The following ZNF516 variants were observed in gnomAD, a reference collection of about 807,000 sequenced individuals.
ZNF516 encodes the protein zinc finger protein 516.
Under a neutral mutation model 79.7 loss-of-function variants are expected in ZNF516, and 19 were observed. The ratio of observed to expected loss-of-function variants is 0.24; its 90% CI spans 0.17 to 0.35. The LOEUF (loss-of-function observed/expected upper bound fraction) is 0.35. ZNF516 is among the 10% of genes least tolerant of loss of function. The pLI is 1.00. For synonymous variants in ZNF516, 877 were observed against 739.5 expected (o/e 1.19, Z -3.02); for missense variants, 1,678 against 1,679.5 (o/e 1.00, Z 0.02).
chr18:76,491,485 C>G (rs1166583281), intron 1 of ZNF516, among the ~76,000 whole-genome samples: 1 of 137,274 alleles, frequency 7.3e-6, no homozygotes, highest in Non-Finnish European at 1.7e-5. Context: ...GCTGTGGGTC[C>G]GTCTCTTTCA....
At chr18:76,484,509 C>A (rs184136186) in intron 1 of ZNF516, among the ~76,000 whole-genome samples, 2 of 152,178 alleles carry the variant, frequency 1.3e-5, no homozygotes, top group East Asian at 1.9e-4. Context: ...TAACCCCGCT[C>A]GGGCCAAGAA....
chr18:76,438,694 G>A (rs1028556961), intron 3 of ZNF516, among the ~76,000 whole-genome samples: 1 of 152,158 alleles, frequency 6.6e-6, no homozygotes, highest in African/African-American at 2.4e-5. Flanking sequence ...AAAAAAAAAG[G>A]AGAGGAGTTT....
chr18:76,412,062 T>C (rs1029541004), intron 3 of ZNF516, among the ~76,000 whole-genome samples: 4 of 152,222 alleles, frequency 2.6e-5, no homozygotes, highest in African/African-American at 7.2e-5. Flanking sequence ...GATTTTTTAA[T>C]GACCTCGGCA....
At chr18:76,382,476 G>A (rs1047516642) in intron 3 of ZNF516, among the ~76,000 whole-genome samples, 5 of 152,122 alleles carry the variant, frequency 3.3e-5, no homozygotes, top group African/African-American at 9.7e-5. Context: ...TAAACAATGC[G>A]GCTGTGTCAT....
chr18:76,363,032 G>A (rs1033135407), intron 6 of ZNF516, among the ~76,000 whole-genome samples: 6 of 152,176 alleles, frequency 3.9e-5, no homozygotes, highest in African/African-American at 1.4e-4. Context: ...CGGCTCTCAC[G>A]TAGGTCTGTC....
chr18:76,367,631 T>C (rs1390796295), intron 6 of ZNF516, among the ~76,000 whole-genome samples: 3 of 152,032 alleles, frequency 2.0e-5, no homozygotes, highest in South Asian at 2.1e-4. Flanking sequence ...CGCCCCTCCA[T>C]AGTCTTCCAA....
In ZNF516 at chr18:76,362,302, G is replaced by A; in HGVS notation, c.*196C>T. On this transcript the variant is annotated 3_prime_UTR_variant, in exon 7 of 7. Coordinates refer to ENST00000443185, the MANE Select transcript of ZNF516 (RefSeq NM_014643.4). ...GAATATAGCATCTTCATTTATTTCT[G>A]AACGTTTAACAAGGAGAGGCATCTG... The A allele has an allele frequency of 1.8e-6, 1 of 541,082 alleles. No individual in the cohort carries two copies. Among genetic ancestry groups the A allele is most frequent in the Non-Finnish European group, 3.4e-6 (1 of 294,914 alleles). 33.5% of individuals were successfully genotyped at this position (541,082 alleles called of 1,614,324 possible). A position where few individuals can be genotyped will look rare whatever the true frequency, so the allele number is the denominator to read the frequency against.
chr18:76,385,700 G>A (rs1168942989), intron 3 of ZNF516: 1 of 152,204 alleles, frequency 6.6e-6, no homozygotes, highest in Non-Finnish European at 1.5e-5. Flanking sequence ...AGGGGCAATG[G>A]GCAGCAAGCA....
rs540377513 is a variant in ZNF516 at position 76,453,766 on chromosome 18, G to A, written c.-158+9262C>T. Among the ~76,000 whole-genome samples the A allele has an allele frequency of 3.6e-4, 55 of 152,250 alleles. No individual in the cohort carries two copies. The South Asian group carries it at 9.3e-3, about 26-fold the overall frequency. On this transcript the variant is annotated intron_variant, in intron 2 of 6. Coordinates refer to ENST00000443185, the MANE Select transcript of ZNF516 (RefSeq NM_014643.4). ...AAACAAAACAATGGTGCAGAAACTC[G>A]TATTTTTTAACTGGGTGACACTTCC...
intron 3 of ZNF516, among the ~76,000 whole-genome samples, chr18:76,426,739 T>A (rs971913450): frequency 1.3e-5 from 2 of 152,218 alleles, no homozygotes; most frequent in African/African-American, 4.8e-5. Context: ...TTCTCATCTA[T>A]GTGCAGCATC....
At chr18:76,411,632 A>T (rs1295153895) in intron 3 of ZNF516, among the ~76,000 whole-genome samples, 2 of 152,190 alleles carry the variant, frequency 1.3e-5, no homozygotes, top group Non-Finnish European at 2.9e-5. Flanking sequence ...ACCACAAAAA[A>T]CTTCTGAAAC....
At chr18:76,492,704 C>G (rs1218331509) in intron 1 of ZNF516, 1 of 984,174 alleles carries the variant, frequency 1.0e-6, no homozygotes, top group East Asian at 1.1e-4. Context: ...CGTTTCGAGT[C>G]CCCAGTTGCT....
intron 1 of ZNF516, among the ~76,000 whole-genome samples, chr18:76,472,436 C>A (rs559477935): frequency 6.6e-6 from 1 of 152,358 alleles, no homozygotes; most frequent in African/African-American, 2.4e-5. Flanking sequence ...GGCGCACTTA[C>A]ACGTGTGTAT....
intron 1 of ZNF516, chr18:76,491,575 G>T (rs1253791223): frequency 6.5e-6 from 1 of 153,546 alleles, no homozygotes; most frequent in East Asian, 2.0e-4. Context: ...GCCGGGGGGC[G>T]GGGGCGGCGG....
At position 76,437,374 on chromosome 18, in the gene ZNF516, C is replaced by G. The variant is rs780751151; in HGVS notation, c.1810+3871G>C. On this transcript the variant is annotated intron_variant, in intron 3 of 6. Transcript: ENST00000443185. Reference sequence around the variant, plus strand: ...GGCAGGGAGGCAGCCAGCGAGGGGACGGGAAACGTGAGACACTCTGAAGGT... The same window carrying G: ...GGCAGGGAGGCAGCCAGCGAGGGGAGGGGAAACGTGAGACACTCTGAAGGT... 2.6e-5 allele frequency among the ~76,000 whole-genome samples: 4 copies of G among 151,958 alleles called. No individual in the cohort carries two copies. The East Asian group carries it at 7.7e-4, about 29-fold the overall frequency.
Position 76,451,345 on chromosome 18 carries a change from T to C in ZNF516, c.-157-8134A>G, listed in dbSNP as rs1260140734. ...CACCGATGTCAGCCCGGGATGGATG[T>C]CCGCGGGTGCAGGGGGGTGACAGCC... On this transcript the variant is annotated intron_variant, in intron 2 of 6. Coordinates refer to ENST00000443185, the MANE Select transcript of ZNF516 (RefSeq NM_014643.4). This position sits in a 1 kb window ranked among gnomAD's most constrained non-coding sequence, Gnocchi z 6.0. Among the ~76,000 whole-genome samples, 1 of 152,110 alleles carries C rather than the reference T, an allele frequency of 6.6e-6. No homozygotes were observed. Among genetic ancestry groups the C allele is most frequent in the Non-Finnish European group, 1.5e-5 (1 of 68,020 alleles).
chr18:76,482,966 C>T (rs1290897164), intron 1 of ZNF516, among the ~76,000 whole-genome samples: 2 of 151,898 alleles, frequency 1.3e-5, no homozygotes, highest in South Asian at 2.1e-4. Context: ...TATATAGGTT[C>T]GGGTAAATAA....
chr18:76,465,987 T>G (rs1391040638), intron 1 of ZNF516, among the ~76,000 whole-genome samples: 1 of 152,064 alleles, frequency 6.6e-6, no homozygotes, highest in Non-Finnish European at 1.5e-5. Flanking sequence ...TCAACACACT[T>G]CCCAGTTCAA....
At chr18:76,432,708 G>C (rs988055493) in intron 3 of ZNF516, among the ~76,000 whole-genome samples, 1 of 152,234 alleles carries the variant, frequency 6.6e-6, no homozygotes. Context: ...TACTGAGGTG[G>C]GAAACCATCC....
Sources: allele counts gnomAD v4.1 joint callset (sites outside exome capture counted in the v4.1 genomes callset), GRCh38; gene constraint gnomAD v4.1.1; non-coding constraint Gnocchi (gnomAD v3.1); transcripts MANE v1.5; gene names NCBI Gene and HGNC (gene_info 2026-07-23, HGNC 2026-07-21).